PIK3C2G: variants seen among roughly 807,000 people sequenced by gnomAD.
PIK3C2G encodes the protein phosphatidylinositol-4-phosphate 3-kinase catalytic subunit type 2 gamma, also known as phosphatidylinositol 3-kinase C2 domain-containing subunit gamma.
PIK3C2G carries 168 observed loss-of-function variants against 181.1 expected under a neutral mutation model. That is an observed-to-expected ratio of 0.93 (90% CI 0.82 to 1.05). The LOEUF (loss-of-function observed/expected upper bound fraction) is 1.05, where lower values mean the gene tolerates loss of function less well. PIK3C2G is among the 50% of genes least tolerant of loss of function. The pLI is 0.00. For synonymous variants in PIK3C2G, 573 were observed against 592.2 expected (o/e 0.97, Z 0.47); for missense variants, 1,869 against 1,732.8 (o/e 1.08, Z -1.40).
At chr12:18,650,329 C>CTA (rs1167084886), downstream of PIK3C2G, among the ~76,000 whole-genome samples, 1,824 of 82,108 alleles carry the variant, frequency 0.022, 17 homozygotes, top group Middle Eastern at 0.059. Flanking sequence ...CTCTCTCTCT[C>CTA]TCTATATATA....
At chr12:18,661,991 A>G in the PIK3C2G span, among the ~76,000 whole-genome samples, 5 of 152,260 alleles carry the variant, frequency 3.3e-5, no homozygotes, top group South Asian at 6.2e-4. Context: ...GCTGGGGGCC[A>G]TTATCCCATT....
chr12:18,673,807 T>C, the PIK3C2G span, among the ~76,000 whole-genome samples: 2 of 152,170 alleles, frequency 1.3e-5, no homozygotes, highest in Admixed American at 6.6e-5. Flanking sequence ...TCACAAACTG[T>C]TGGACTCAGG....
chr12:18,699,772 T>C, the PIK3C2G span: 2 of 1,603,074 alleles, frequency 1.2e-6, no homozygotes, highest in Admixed American at 3.3e-5. Context: ...ACATTTCATC[T>C]ATTTGAGTCA....
chr12:18,463,916 T>TGC (rs1282089089), intron 18 of PIK3C2G, among the ~76,000 whole-genome samples: 7 of 152,138 alleles, frequency 4.6e-5, no homozygotes, highest in African/African-American at 1.7e-4. Flanking sequence ...CGCTCTGCTC[T>TGC]TTACTTGGTC....
the PIK3C2G span, among the ~76,000 whole-genome samples, chr12:18,674,709 A>C: frequency 4.4e-3 from 674 of 152,298 alleles, 6 homozygotes; most frequent in Non-Finnish European, 5.5e-3. Flanking sequence ...GCTTGAAGCT[A>C]GGCTGGTCTT....
chr12:18,619,823 C>G (rs572693445), intron 31 of PIK3C2G, among the ~76,000 whole-genome samples: 1 of 151,032 alleles, frequency 6.6e-6, no homozygotes, highest in South Asian at 2.1e-4. Context: ...CTCCCGGGTT[C>G]ACGCCATTCT....
At chr12:18,456,952 A>G (rs1947661538) in intron 18 of PIK3C2G, among the ~76,000 whole-genome samples, 1 of 152,186 alleles carries the variant, frequency 6.6e-6, no homozygotes, top group Non-Finnish European at 1.5e-5. Flanking sequence ...TTTATATAAA[A>G]GTTTTCCATT....
intron 31 of PIK3C2G, among the ~76,000 whole-genome samples, chr12:18,636,870 C>T (rs1236541697): frequency 6.6e-6 from 1 of 152,156 alleles, no homozygotes; most frequent in Non-Finnish European, 1.5e-5. Flanking sequence ...TAGTGGCTCC[C>T]ACTTCACCTT....
chr12:18,688,521 G>A, the PIK3C2G span, among the ~76,000 whole-genome samples: 54 of 151,504 alleles, frequency 3.6e-4, no homozygotes, highest in African/African-American at 7.3e-4. Context: ...AATTCAGGTC[G>A]AGTTACTCTG....
chr12:18,262,090 G>C (rs1005362322), intron 1 of PIK3C2G, among the ~76,000 whole-genome samples: 1 of 152,044 alleles, frequency 6.6e-6, no homozygotes, highest in African/African-American at 2.4e-5. Flanking sequence ...AGCAACTCCT[G>C]CTAGGGAGAA....
At chr12:18,263,298 G>C (rs563378100) in intron 1 of PIK3C2G, among the ~76,000 whole-genome samples, 5 of 152,178 alleles carry the variant, frequency 3.3e-5, no homozygotes, top group Non-Finnish European at 7.4e-5. Flanking sequence ...ATTGGGGACA[G>C]AGAAAACAGT....
At chr12:18,252,184 G>T (rs1469005210) in intron 1 of PIK3C2G, among the ~76,000 whole-genome samples, 5 of 152,082 alleles carry the variant, frequency 3.3e-5, no homozygotes, top group African/African-American at 1.2e-4. Context: ...CTTATGTACA[G>T]GATATAACCG....
At chr12:18,632,750 T>A (rs1460003183) in intron 31 of PIK3C2G, among the ~76,000 whole-genome samples, 1 of 152,038 alleles carries the variant, frequency 6.6e-6, no homozygotes, top group Admixed American at 6.6e-5. Context: ...AAGAATAAAT[T>A]ATCTTTTTCT....
chr12:18,613,137 G>T (rs1948427929), intron 31 of PIK3C2G, among the ~76,000 whole-genome samples: 1 of 152,010 alleles, frequency 6.6e-6, no homozygotes, highest in Non-Finnish European at 1.5e-5. Context: ...TTTCATTGAT[G>T]TCTACAATGT....
the PIK3C2G span, among the ~76,000 whole-genome samples, chr12:18,697,325 T>C: frequency 2.0e-5 from 3 of 152,146 alleles, no homozygotes; most frequent in Non-Finnish European, 4.4e-5. Context: ...AGTTACACAT[T>C]CCTTGAGAGA....
chr12:18,634,883 T>A (rs1265547615), intron 31 of PIK3C2G, among the ~76,000 whole-genome samples: 1 of 152,150 alleles, frequency 6.6e-6, no homozygotes, highest in Non-Finnish European at 1.5e-5. Flanking sequence ...TTTTTGCCCA[T>A]TTAGAGAGAC....
At chr12:18,693,280 A>T in the PIK3C2G span, 1 of 1,518,364 alleles carries the variant, frequency 6.6e-7, no homozygotes, top group Non-Finnish European at 9.1e-7. Flanking sequence ...GATGACATGG[A>T]TCCCCTGGTC....
intron 12 of PIK3C2G, among the ~76,000 whole-genome samples, chr12:18,363,771 T>C (rs1446539655): frequency 6.6e-6 from 1 of 152,140 alleles, no homozygotes; most frequent in Admixed American, 6.6e-5. Context: ...TGATGTTAGA[T>C]AGCACCATCT....
At chr12:18,608,959 G>C (rs920240019) in intron 30 of PIK3C2G, among the ~76,000 whole-genome samples, 1 of 152,044 alleles carries the variant, frequency 6.6e-6, no homozygotes, top group Admixed American at 6.6e-5. Flanking sequence ...GTTTATATGA[G>C]TTTGAATTAG....
Sources: allele counts gnomAD v4.1 joint callset (sites outside exome capture counted in the v4.1 genomes callset), GRCh38; gene constraint gnomAD v4.1.1; transcripts MANE v1.5; gene names NCBI Gene and HGNC (gene_info 2026-07-23, HGNC 2026-07-21).